The following TAB2 variants were observed in gnomAD, a reference collection of about 807,000 sequenced individuals.
TAB2 encodes TGF-beta activated kinase 1 (MAP3K7) binding protein 2, also known as TGF-beta-activated kinase 1 and MAP3K7-binding protein 2.
In TAB2, 3 loss-of-function variants were observed where a neutral mutation model predicts 65.0. The observed-to-expected ratio is 0.05, with a 90% CI of 0.02 to 0.12. The LOEUF (loss-of-function observed/expected upper bound fraction) is 0.12. Among genes scored for constraint, TAB2 ranks in the 10% least tolerant of loss-of-function variants. The probability of loss-of-function intolerance (pLI) is 1.00; values close to 1 mark genes in which losing one functional copy is unlikely to be tolerated. For missense variants in TAB2, 623 were observed against 840.3 expected, an observed-to-expected ratio of 0.74 and a Z score of 3.20; for synonymous variants, 298 against 285.1, an observed-to-expected ratio of 1.05 and a Z score of -0.46.
At chr6:149,391,644 T>A (rs968025869) in intron 3 of TAB2, among the ~76,000 whole-genome samples, 1 of 152,026 alleles carries the variant, frequency 6.6e-6, no homozygotes, top group African/African-American at 2.4e-5. Context: ...CAGGCTCAAA[T>A]GATCCTCCCA....
At chr6:149,373,502 C>T (rs1781297182) in intron 2 of TAB2, among the ~76,000 whole-genome samples, 1 of 150,624 alleles carries the variant, frequency 6.6e-6, no homozygotes. Flanking sequence ...CTCCACTAGA[C>T]TGAGATTCTT....
intron 3 of TAB2, among the ~76,000 whole-genome samples, chr6:149,384,988 T>C (rs1434186468): frequency 6.6e-6 from 1 of 152,152 alleles, no homozygotes; most frequent in Non-Finnish European, 1.5e-5. Flanking sequence ...ATGATAAATA[T>C]TTTTAATGAT....
chr6:149,226,421 A>G (rs181973353), intron 1 of TAB2, among the ~76,000 whole-genome samples: 4 of 152,260 alleles, frequency 2.6e-5, no homozygotes, highest in African/African-American at 9.6e-5. Flanking sequence ...TGGCATCCAT[A>G]ATCCTCTCCA....
chr6:149,401,992 C>T (rs1407110209), intron 6 of TAB2, among the ~76,000 whole-genome samples: 1 of 132,718 alleles, frequency 7.5e-6, no homozygotes, highest in Non-Finnish European at 1.6e-5. Flanking sequence ...ATAAACAATA[C>T]TACATTAAAA....
rs1254231964 is a variant in TAB2 at position 149,410,875 on chromosome 6, G to GT, written c.*1157dup. The GT allele has an allele frequency of 1.3e-5, 2 of 152,462 alleles. No individual in the cohort carries two copies. The highest frequency in any genetic ancestry group is 2.9e-5 in the Non-Finnish European group (2 of 68,046). 9.4% of individuals were successfully genotyped at this position (152,462 alleles called of 1,614,324 possible). ...AGTCTCAAAACCAGCAACAGCAGCA[G>GT]TACCTACAGCCCTTTTTTTGGAGAG... On this transcript the variant is annotated 3_prime_UTR_variant, in exon 7 of 7. Coordinates refer to ENST00000637181, the MANE Select transcript of TAB2 (RefSeq NM_001292034.3).
At chr6:149,305,927 C>T (rs1255549677) in intron 1 of TAB2, among the ~76,000 whole-genome samples, 1 of 152,136 alleles carries the variant, frequency 6.6e-6, no homozygotes, top group African/African-American at 2.4e-5. Context: ...AATAATGAGG[C>T]CTAGGAACAT....
At chr6:149,287,976 T>C (rs1438948478) in intron 1 of TAB2, among the ~76,000 whole-genome samples, 2 of 152,236 alleles carry the variant, frequency 1.3e-5, no homozygotes, top group Non-Finnish European at 2.9e-5. Flanking sequence ...AATTCGATCA[T>C]AAAATTATGT....
In TAB2 at chr6:149,398,017, G is replaced by T; in HGVS notation, c.1813G>T (p.Asp605Tyr). ...LRSCNRQLQI[D>Y]IDCLTKEIDL... ...AAGTTGTAATAGACAACTCCAGATT[G>T]ACATTGACTGCTTAACCAAAGAAAT... is the stretch of plus-strand genomic sequence containing the variant. Residue 605 changes from aspartate (D) to tyrosine (Y), a missense_variant, in exon 5 of 7, where the codon GAC (aspartate) becomes TAC (tyrosine). Around this residue, in one of 3 missense-constraint regions of TAB2, gnomAD observed 56 missense variants for 130.3 expected, o/e 0.43. Coordinates refer to ENST00000637181, the MANE Select transcript of TAB2 (RefSeq NM_001292034.3). 1 of 1,613,872 alleles carries T rather than the reference G, an allele frequency of 6.2e-7. No homozygotes were observed. Among genetic ancestry groups the T allele is most frequent in the Non-Finnish European group, 8.5e-7 (1 of 1,179,950 alleles).
chr6:149,343,486 AG>A (rs1780195439), intron 1 of TAB2, among the ~76,000 whole-genome samples: 1 of 151,928 alleles, frequency 6.6e-6, no homozygotes. Context: ...AAAAAAAAAA[AG>A]GTTAATATAT....
chr6:149,344,695 A>C lies in TAB2; in HGVS notation c.-89-25214A>C, dbSNP rs1780237635. On this transcript the variant is annotated intron_variant, in intron 1 of 6. Coordinates refer to ENST00000637181, the MANE Select transcript of TAB2 (RefSeq NM_001292034.3). Reference sequence around the variant, plus strand: ...GAACTGGTATGTGTTAAGTCAGTGAATCTTTTGAAAAGCTGACTACCGTAG... The same window carrying C: ...GAACTGGTATGTGTTAAGTCAGTGACTCTTTTGAAAAGCTGACTACCGTAG... 2.0e-5 allele frequency among the ~76,000 whole-genome samples: 3 copies of C among 152,246 alleles called. No individual in the cohort carries two copies. The South Asian group carries it at 6.2e-4, about 32-fold the overall frequency.
intron 1 of TAB2, among the ~76,000 whole-genome samples, chr6:149,347,794 A>G (rs1401346245): frequency 6.6e-6 from 1 of 152,122 alleles, no homozygotes; most frequent in East Asian, 1.9e-4. Context: ...ATTAAATCTG[A>G]AGTGCACCAA....
At chr6:149,281,940 T>G (rs974619818) in intron 1 of TAB2, among the ~76,000 whole-genome samples, 4 of 152,138 alleles carry the variant, frequency 2.6e-5, no homozygotes, top group African/African-American at 9.7e-5. Context: ...AAAAGAAAGC[T>G]GGAAAAAAAT....
chr6:149,234,948 A>G (rs996721208), intron 1 of TAB2, among the ~76,000 whole-genome samples: 11 of 152,188 alleles, frequency 7.2e-5, no homozygotes, highest in South Asian at 2.1e-4. Context: ...CCATGTAACA[A>G]GAATAAACAC....
chr6:149,247,433 G>C (rs1158763681), intron 1 of TAB2: 1 of 152,142 alleles, frequency 6.6e-6, no homozygotes, highest in Non-Finnish European at 1.5e-5. Flanking sequence ...TGCAAGCATG[G>C]GGTCCTCTCG....
Position 149,379,086 on chromosome 6 carries a change from G to C in TAB2, c.1171G>C (p.Ala391Pro). The C allele has an allele frequency of 6.2e-7, 1 of 1,614,128 alleles. No homozygotes were observed. Among genetic ancestry groups the C allele is most frequent in the Non-Finnish European group, 8.5e-7 (1 of 1,180,036 alleles). ...SRSQPKVYIS[A>P]NAATGDEQVM... ...TAGTCAACCTAAGGTCTATATTTCA[G>C]CGAATGCTGCCACAGGAGATGAACA... is the stretch of plus-strand genomic sequence containing the variant. The change falls in exon 3 of 7, where the codon GCG (alanine) becomes CCG (proline). Residue 391 changes from alanine to proline, a missense_variant. Ala to Pro is a conservative substitution (Grantham distance 27). Coordinates refer to ENST00000637181, the MANE Select transcript of TAB2 (RefSeq NM_001292034.3).
At chr6:149,371,721 A>G (rs541912186) in intron 2 of TAB2, among the ~76,000 whole-genome samples, 2 of 152,368 alleles carry the variant, frequency 1.3e-5, no homozygotes, top group East Asian at 3.9e-4. Flanking sequence ...GTGAGTATTC[A>G]ATAAATGTTA....
chr6:149,271,116 G>A (rs1268246015), intron 1 of TAB2, among the ~76,000 whole-genome samples: 1 of 152,042 alleles, frequency 6.6e-6, no homozygotes, highest in African/African-American at 2.4e-5. Context: ...GCTTAGGTAA[G>A]AGGATTGCTT....
At chr6:149,267,003 A>G (rs1407403974) in intron 1 of TAB2, among the ~76,000 whole-genome samples, 1 of 152,190 alleles carries the variant, frequency 6.6e-6, no homozygotes, top group East Asian at 1.9e-4. Context: ...AAATTATTGA[A>G]TTTTAGAAGA....
exon 1 of TAB2, chr6:149,218,658 C>T (rs1038118902): frequency 4.7e-6 from 2 of 424,976 alleles, no homozygotes; most frequent in Non-Finnish European, 4.8e-6. Flanking sequence ...TGAACTCCTT[C>T]AGGGCCACAG....
Sources: gnomAD v4.1 joint callset for allele counts (sites outside exome capture counted in the v4.1 genomes callset) on GRCh38, gnomAD v4.1.1 for gene constraint, gnomAD v4.1.1 regional missense constraint, MANE v1.5 for transcripts, NCBI Gene and HGNC (gene_info 2026-07-23, HGNC 2026-07-21) for gene names.